The following SEL1L variants were observed in gnomAD, a reference collection of about 807,000 sequenced individuals.
The protein encoded by SEL1L is SEL1L adaptor subunit of SYVN1 ubiquitin ligase.
A neutral mutation model predicts 109.8 loss-of-function variants in SEL1L; 52 were observed. The observed-to-expected ratio is 0.47, with a 90% CI of 0.38 to 0.60. The LOEUF (loss-of-function observed/expected upper bound fraction) is 0.60, where lower values mean the gene tolerates loss of function less well. SEL1L is among the 20% of genes least tolerant of loss of function. SEL1L has a pLI of 0.00. For missense variants in SEL1L, 749 were observed against 962.2 expected (o/e 0.78, Z 2.93); for synonymous variants, 373 against 339.6 (o/e 1.10, Z -1.08).
At chr14:81,490,265 A>C in intron 13 of SEL1L, 123 bp downstream of exon 13, 1 of 687,908 alleles carries the variant, frequency 1.5e-6, no homozygotes, top group East Asian at 3.1e-5. Flanking sequence ...AATCATACTT[A>C]ATATGCAGTT....
intron 3 of SEL1L, among the ~76,000 whole-genome samples, chr14:81,507,532 T>C (rs1884287109): frequency 6.6e-6 from 1 of 151,574 alleles, no homozygotes; most frequent in Non-Finnish European, 1.5e-5. Flanking sequence ...GGTTACTGGG[T>C]AGGTACTGCT....
At chr14:81,510,305 C>T (rs1049947723) in intron 3 of SEL1L, among the ~76,000 whole-genome samples, 12 of 151,926 alleles carry the variant, frequency 7.9e-5, no homozygotes, top group African/African-American at 2.7e-4. Context: ...TTATAGAGAA[C>T]GATTTCAAAG....
intron 15 of SEL1L, 27 bp downstream of exon 15, chr14:81,487,828 T>A (rs574481939): frequency 1.2e-6 from 2 of 1,611,626 alleles, no homozygotes; most frequent in African/African-American, 1.3e-5. Flanking sequence ...TCTTGGTGTA[T>A]CCATCATTAA....
At chr14:81,518,637 G>C (rs2140047832) in intron 3 of SEL1L, among the ~76,000 whole-genome samples, 1 of 148,078 alleles carries the variant, frequency 6.8e-6, no homozygotes, top group East Asian at 2.0e-4. Context: ...TCCAACCTGG[G>C]GGACAAGAGC....
In SEL1L at chr14:81,479,660, G is replaced by A; in HGVS notation, c.2127C>T (p.Leu709=). The A allele has an allele frequency of 1.9e-6, 3 of 1,613,798 alleles. No individual in the cohort carries two copies. The change falls in exon 20 of 21, where the codon CTC becomes CTT. Residue 709 remains leucine (L), a synonymous_variant. Coordinates refer to ENST00000336735, the MANE Select transcript of SEL1L (RefSeq NM_005065.6). ...PDAQVPVFLA[L]CKLGVVYFLQ... The stretch of plus-strand genomic sequence containing the variant: ...AGAAATAGACGACGCCCAATTTGCA[G>A]AGGGCTAGGAAGACTGGAACTTGTG...
At chr14:81,509,339 T>A (rs1049552252) in intron 3 of SEL1L, among the ~76,000 whole-genome samples, 1 of 152,210 alleles carries the variant, frequency 6.6e-6, no homozygotes, top group African/African-American at 2.4e-5. Flanking sequence ...TGCTCTGGTA[T>A]AATGAAGCTG....
Position 81,489,291 on chromosome 14 carries a change from C to T in SEL1L, c.1356G>A (p.Gly452=), listed in dbSNP as rs1356537515. The stretch of plus-strand genomic sequence containing the variant: ...TCCCATAGAGGTAGGCCATTCCAAG[C>T]CCACTCTGTCCAACTGGGTTGCCCT... The part of the protein sequence containing the change: ...ADMGNPVGQS[G]LGMAYLYGRG... The change falls in exon 14 of 21, where the codon GGG becomes GGA. Residue 452 remains glycine (G), a synonymous_variant. Transcript: ENST00000336735. 6.2e-7 allele frequency: 1 copy of T among 1,614,130 alleles called. No individual in the cohort carries two copies. Among genetic ancestry groups the T allele is most frequent in the African/African-American group, 1.3e-5 (1 of 75,060 alleles).
chr14:81,486,443 A>G lies in SEL1L; in HGVS notation c.1644T>C (p.Asn548=), dbSNP rs147918774. 1.4e-5 allele frequency: 23 copies of G among 1,613,652 alleles called. No homozygotes were observed. The African/African-American group carries it at 1.7e-4, about 12-fold the overall frequency. Residue 548 remains asparagine (N), a synonymous_variant, in exon 17 of 21, where the codon AAT becomes AAC. Coordinates refer to ENST00000336735, the MANE Select transcript of SEL1L (RefSeq NM_005065.6). The part of the protein sequence containing the change: ...SCHTAVELFK[N]VCERGRWSER... ...CAGACCAACGGCCTCGTTCACATAC[A>G]TTCTTAAACAACTGTGTGAGGTGGG... is the stretch of plus-strand genomic sequence containing the variant.
chr14:81,489,577 A>G (rs1024596705), intron 13 of SEL1L, among the ~76,000 whole-genome samples: 1 of 152,194 alleles, frequency 6.6e-6, no homozygotes, highest in Admixed American at 6.5e-5. Context: ...CTTTATGACC[A>G]TCTGTACCAT....
rs1489458916 is a variant in SEL1L at position 81,473,436 on chromosome 14, G to A, written c.*3536C>T. On this transcript the variant is annotated 3_prime_UTR_variant, in exon 21 of 21. Coordinates refer to ENST00000336735, the MANE Select transcript of SEL1L (RefSeq NM_005065.6). The stretch of plus-strand genomic sequence containing the variant: ...ACCACACATTTAAAATCCAGATCGT[G>A]CCTCAGGCATTCAGGAGTGTTATAT... The A allele has an allele frequency of 1.3e-5, 2 of 152,180 alleles. No individual in the cohort carries two copies. The highest frequency in any genetic ancestry group is 4.8e-5 in the African/African-American group (2 of 41,446). 9.4% of individuals were successfully genotyped at this position (152,180 alleles called of 1,614,324 possible). A position where few individuals can be genotyped will look rare whatever the true frequency, so the allele number is the denominator to read the frequency against.
At chr14:81,483,952 C>T (rs764280722) in intron 19 of SEL1L, among the ~76,000 whole-genome samples, 8 of 152,122 alleles carry the variant, frequency 5.3e-5, no homozygotes, top group Non-Finnish European at 1.2e-4. Context: ...GTTTCTCAAA[C>T]AAGTAGTTAT....
intron 3 of SEL1L, among the ~76,000 whole-genome samples, chr14:81,512,284 CTTTG>C (rs1884513581): frequency 1.3e-5 from 2 of 152,152 alleles, no homozygotes; most frequent in Non-Finnish European, 2.9e-5. Context: ...AGCAAATGGC[CTTTG>C]GTTCTGTTTC....
At chr14:81,528,961 C>T (rs545086920) in intron 1 of SEL1L, among the ~76,000 whole-genome samples, 2 of 152,160 alleles carry the variant, frequency 1.3e-5, no homozygotes, top group Admixed American at 6.5e-5. Context: ...ATATTTCTTT[C>T]GAATATTTGA....
Position 81,476,752 on chromosome 14 carries a change from C to T in SEL1L, c.*220G>A. ...AAAAAGCCACTGAAAGTTGTTATTC[C>T]ATATGGCACTGAAACAAACATTCAG... On this transcript the variant is annotated 3_prime_UTR_variant, in exon 21 of 21. Coordinates refer to ENST00000336735, the MANE Select transcript of SEL1L (RefSeq NM_005065.6). 3 of 508,504 alleles carry T rather than the reference C, an allele frequency of 5.9e-6. No individual in the cohort carries two copies. The highest frequency in any genetic ancestry group is 1.0e-5 in the Non-Finnish European group (3 of 286,552). 31.5% of individuals were successfully genotyped at this position (508,504 alleles called of 1,614,324 possible). A position where few individuals can be genotyped will look rare whatever the true frequency, so the allele number is the denominator to read the frequency against.
At chr14:81,485,369 AGGT>A (rs2139990956) in intron 18 of SEL1L, among the ~76,000 whole-genome samples, 1 of 152,058 alleles carries the variant, frequency 6.6e-6, no homozygotes, top group Non-Finnish European at 1.5e-5. Context: ...TCTGCCTCCC[AGGT>A]TCAAGCGATT....
At chr14:81,522,489 G>C (rs1248110336) in intron 3 of SEL1L, among the ~76,000 whole-genome samples, 1 of 152,122 alleles carries the variant, frequency 6.6e-6, no homozygotes, top group Admixed American at 6.5e-5. Flanking sequence ...AGCTGAGTAC[G>C]GTATTCAATA....
intron 3 of SEL1L, among the ~76,000 whole-genome samples, chr14:81,516,395 C>T (rs1301677888): frequency 6.6e-6 from 1 of 152,202 alleles, no homozygotes; most frequent in African/African-American, 2.4e-5. Flanking sequence ...AATTGGGAGA[C>T]TTTGCTCTTT....
intron 3 of SEL1L, among the ~76,000 whole-genome samples, chr14:81,523,685 T>G (rs1475957071): frequency 6.6e-6 from 1 of 151,926 alleles, no homozygotes; most frequent in Non-Finnish European, 1.5e-5. Flanking sequence ...CGGGGACTGG[T>G]CTTGTGAGAC....
chr14:81,486,575 T>C (rs1903526511), intron 16 of SEL1L, 121 bp from the exon 17 acceptor site: 5 of 882,738 alleles, frequency 5.7e-6, no homozygotes, highest in Middle Eastern at 3.6e-4. Context: ...TCTGGCAGCT[T>C]TCTTGAACAG....
Sources: gnomAD v4.1 joint callset for allele counts (sites outside exome capture counted in the v4.1 genomes callset) on GRCh38, gnomAD v4.1.1 for gene constraint, MANE v1.5 for transcripts, NCBI Gene and HGNC (gene_info 2026-07-23, HGNC 2026-07-21) for gene names.